The following DPY19L4 variants were observed in gnomAD, a reference collection of about 807,000 sequenced individuals.
The protein encoded by DPY19L4 is probable C-mannosyltransferase DPY19L4.
A neutral mutation model predicts 102.8 loss-of-function variants in DPY19L4; 97 were observed. That is an observed-to-expected ratio of 0.94 (90% CI 0.80 to 1.12). The LOEUF is 1.12. Among genes scored for constraint, DPY19L4 ranks in the 50% most tolerant of loss-of-function variants. The pLI, the probability that DPY19L4 is intolerant of heterozygous loss-of-function variation, is 0.00. For synonymous variants in DPY19L4, 252 were observed against 283.1 expected (o/e 0.89, Z 1.10); for missense variants, 815 against 850.4 (o/e 0.96, Z 0.52).
chr8:94,749,379 G>A (rs1811820106), intron 6 of DPY19L4, among the ~76,000 whole-genome samples: 1 of 152,106 alleles, frequency 6.6e-6, no homozygotes, highest in African/African-American at 2.4e-5. Flanking sequence ...CCTCAGCAAG[G>A]CTAGTTTACT....
At chr8:94,752,669 A>ATT (rs564060608) in intron 6 of DPY19L4, among the ~76,000 whole-genome samples, 3,318 of 127,728 alleles carry the variant, frequency 0.026, 70 homozygotes, top group Non-Finnish European at 0.039. Context: ...TTTTTTTACG[A>ATT]TTTTTTTTTT....
At chr8:94,750,417 AAT>A (rs1811866281) in intron 6 of DPY19L4, among the ~76,000 whole-genome samples, 2 of 152,180 alleles carry the variant, frequency 1.3e-5, no homozygotes, top group African/African-American at 4.8e-5. Context: ...TTAAGTAAAA[AAT>A]AGTTTGTTAG....
rs768321593 is a variant in DPY19L4 at position 94,788,041 on chromosome 8, G to A, written c.1996G>A (p.Ala666Thr). 10 of 1,453,488 alleles carry A rather than the reference G, an allele frequency of 6.9e-6. No homozygotes were observed. Among genetic ancestry groups the A allele is most frequent in the South Asian group, 1.6e-5 (1 of 64,344 alleles). 90.0% of individuals were successfully genotyped at this position (1,453,488 alleles called of 1,614,324 possible). ...TAGGGTTAAAGATTTATTAGACATTGCAAATGGCCACGTAAGTAACCATTT... is the reference window on the plus strand; with the variant it reads ...TAGGGTTAAAGATTTATTAGACATTACAAATGGCCACGTAAGTAACCATTT... ...GCRVKDLLDI[A>T]NGHMVCEEGD... Residue 666 changes from alanine (A) to threonine (T), a missense_variant, in exon 18 of 19, where the codon GCA becomes ACA. Transcript: ENST00000414645.
chr8:94,769,714 A>G (rs912930085), intron 12 of DPY19L4, among the ~76,000 whole-genome samples: 1 of 151,872 alleles, frequency 6.6e-6, no homozygotes, highest in African/African-American at 2.4e-5. Context: ...AAAAAGCTAT[A>G]AAGTTTGACT....
intron 12 of DPY19L4, 58 bp from the exon 13 acceptor site, chr8:94,770,394 C>T: frequency 6.6e-7 from 1 of 1,507,474 alleles, no homozygotes; most frequent in South Asian, 1.3e-5. Flanking sequence ...AACAATGTAT[C>T]TTTGGTTTTT....
intron 10 of DPY19L4, 71 bp from the exon 11 acceptor site, chr8:94,766,541 G>A (rs1812681673): frequency 2.1e-6 from 3 of 1,406,332 alleles, no homozygotes; most frequent in East Asian, 2.3e-5. Context: ...TCTGTCTCTA[G>A]TATTGGGGAA....
chr8:94,719,937 C>T lies in DPY19L4; in HGVS notation c.-62C>T. 1.4e-6 allele frequency: 2 copies of T among 1,454,014 alleles called. No individual in the cohort carries two copies. The highest frequency in any genetic ancestry group is 3.0e-5 in the East Asian group (1 of 33,226). The allele number at this position is 1,454,014 out of a possible 1,614,324, so 90.1% of individuals were successfully genotyped here. ...CCGGAGGCCGAGGGGTTCGGCGACG[C>T]GGAGGGAGGGAGAGTCTGGGCCGCG... On this transcript the variant is annotated 5_prime_UTR_variant, in exon 1 of 19. Transcript: ENST00000414645.
At position 94,766,610 on chromosome 8, in the gene DPY19L4, A is replaced by C. The variant is rs763602923; in HGVS notation, c.1102-2A>C. 3.7e-6 allele frequency: 6 copies of C among 1,613,438 alleles called. No individual in the cohort carries two copies. In the South Asian group the frequency reaches 6.6e-5, roughly 18 times the overall value. On this transcript the variant is annotated splice_acceptor_variant, in intron 10 of 18. Transcript: ENST00000414645. LOFTEE classifies it high-confidence loss of function. ...TGTTTAACTGGTGTTTTTCTCTTCT[A>C]GATGTTTGTCCCACACAAAGAAAAT... is the stretch of plus-strand genomic sequence containing the variant.
chr8:94,743,229 A>G (rs1256581810), intron 6 of DPY19L4, among the ~76,000 whole-genome samples: 1 of 150,478 alleles, frequency 6.6e-6, no homozygotes, highest in African/African-American at 2.4e-5. Flanking sequence ...GGGTTTTGCC[A>G]TGTTGGCCCA....
chr8:94,743,365 T>C (rs373709975), intron 6 of DPY19L4, among the ~76,000 whole-genome samples: 20 of 151,968 alleles, frequency 1.3e-4, no homozygotes, highest in African/African-American at 4.6e-4. Flanking sequence ...GGGTCAGGTG[T>C]AGTGGCTCAC....
In DPY19L4 at chr8:94,759,042, G is replaced by T. The variant is rs147260643; in HGVS notation, c.736-2658G>T. On this transcript the variant is annotated intron_variant, in intron 7 of 18. Transcript: ENST00000414645. ...TTTCCAGTGGGTTCATGGTCTCGCT[G>T]ACTTCAAGAATGAAGCCGCGGACCC... 7.6e-4 allele frequency among the ~76,000 whole-genome samples: 116 copies of T among 152,210 alleles called. No homozygotes were observed. The East Asian group carries it at 0.017, about 22-fold the overall frequency.
chr8:94,781,059 T>A (rs768988894), intron 15 of DPY19L4, 25 bp from the exon 16 acceptor site: 19 of 1,353,446 alleles, frequency 1.4e-5, no homozygotes, highest in Admixed American at 2.4e-5. Flanking sequence ...TTTGGGGATT[T>A]TTTTTTTTTT....
In DPY19L4 at chr8:94,759,500, CTTTTTTTTT is replaced by C. The variant is rs1161705507; in HGVS notation, c.736-2185_736-2177del. Among the ~76,000 whole-genome samples, 15 of 67,534 alleles carry C rather than the reference CTTTTTTTTT, an allele frequency of 2.2e-4. No homozygotes were observed. The South Asian group carries it at 8.8e-3, about 40-fold the overall frequency. 44.3% of individuals were successfully genotyped at this position (67,534 alleles called of 152,430 possible). A position where few individuals can be genotyped will look rare whatever the true frequency, so the allele number is the denominator to read the frequency against. ...AGCCACTGTGCCTGGTCTACATGTT[CTTTTTTTTT>C]TTTTTTTTTTTTTTGAGACGGAGTT... On this transcript the variant is annotated intron_variant, in intron 7 of 18. Transcript: ENST00000414645.
In DPY19L4 at chr8:94,787,909, T is replaced by G. The variant is rs146246430; in HGVS notation, c.1864T>G (p.Ser622Ala). ...ATTCTTTCAGATCTACCAAATCTAT[T>G]CAAAGCGATCTGCTGAGGATATTTA... is the stretch of plus-strand genomic sequence containing the variant. Reference protein sequence around the residue: ...KRNENIYQIYSKRSAEDIYKI... With the variant: ...KRNENIYQIYAKRSAEDIYKI... The change falls in exon 18 of 19, where the codon TCA becomes GCA. Residue 622 changes from serine to alanine, a missense_variant. Ser to Ala is a moderately conservative substitution (Grantham distance 99). Transcript: ENST00000414645. The G allele has an allele frequency of 4.3e-6, 6 of 1,409,802 alleles. No homozygotes were observed. The South Asian group carries it at 5.6e-5, about 13-fold the overall frequency. The allele number at this position is 1,409,802 out of a possible 1,614,324, so 87.3% of individuals were successfully genotyped here.
At chr8:94,747,569 T>G (rs1811733116) in intron 6 of DPY19L4, among the ~76,000 whole-genome samples, 1 of 147,242 alleles carries the variant, frequency 6.8e-6, no homozygotes, top group Non-Finnish European at 1.5e-5. Context: ...TTTTTTTTTT[T>G]TTTTTTTGAG....
intron 2 of DPY19L4, among the ~76,000 whole-genome samples, chr8:94,728,268 C>A (rs1182210351): frequency 6.6e-6 from 1 of 152,228 alleles, no homozygotes; most frequent in Non-Finnish European, 1.5e-5. Context: ...TTCTGCACAT[C>A]CCCCCACTCT....
At position 94,739,739 on chromosome 8, in the gene DPY19L4, G is replaced by T. The variant is rs776441000; in HGVS notation, c.560G>T (p.Ser187Ile). ...TALFVTSWLM[S>I]GTWLAGMLTV... Reference sequence around the variant, plus strand: ...TTATTTGTTACAAGTTGGCTTATGAGTGGAACATGGCTAGCAGGAATGCTT... The same window carrying T: ...TTATTTGTTACAAGTTGGCTTATGATTGGAACATGGCTAGCAGGAATGCTT... The change falls in exon 6 of 19, where the codon AGT becomes ATT. Residue 187 changes from serine to isoleucine, a missense_variant. Transcript: ENST00000414645. The T allele has an allele frequency of 2.2e-5, 35 of 1,613,004 alleles. No homozygotes were observed. Among genetic ancestry groups the T allele is most frequent in the Non-Finnish European group, 2.9e-5 (34 of 1,180,044 alleles).
At position 94,765,722 on chromosome 8, in the gene DPY19L4, G is replaced by T. The variant is rs1396170174; in HGVS notation, c.1014G>T (p.Lys338Asn). 1 of 1,600,890 alleles carries T rather than the reference G, an allele frequency of 6.2e-7. No individual in the cohort carries two copies. Among genetic ancestry groups the T allele is most frequent in the South Asian group, 1.1e-5 (1 of 89,252 alleles). Residue 338 changes from lysine (K) to asparagine (N), a missense_variant, in exon 10 of 19, where the codon AAG (lysine) becomes AAT (asparagine). By Grantham distance (94) the Lys-to-Asn change is moderately conservative. Transcript: ENST00000414645. ...TTTTTCCTCCACAGCTGAATGTGAA[G>T]AAAGGAAGTTTTGTAGCTAAAATAA... is the stretch of plus-strand genomic sequence containing the variant. ...MLAKCLQLNV[K>N]KGSFVAKIIK...
intron 6 of DPY19L4, among the ~76,000 whole-genome samples, chr8:94,755,821 G>T (rs1341097103): frequency 6.6e-6 from 1 of 151,878 alleles, no homozygotes; most frequent in Non-Finnish European, 1.5e-5. Flanking sequence ...GGAGGCAGAG[G>T]TTGCAGTGAC....
Sources: gnomAD v4.1 joint callset for allele counts (sites outside exome capture counted in the v4.1 genomes callset) on GRCh38, gnomAD v4.1.1 for gene constraint, MANE v1.5 for transcripts, NCBI Gene and HGNC (gene_info 2026-07-23, HGNC 2026-07-21) for gene names.